BRD1: variants seen among roughly 807,000 people sequenced by gnomAD.
BRD1 encodes bromodomain-containing protein 1.
In BRD1, 24 loss-of-function variants were observed where a neutral mutation model predicts 107.7. The observed-to-expected ratio is 0.22, with a 90% CI of 0.16 to 0.31. The LOEUF (loss-of-function observed/expected upper bound fraction) is 0.31, where lower values mean the gene tolerates loss of function less well. BRD1 is among the 10% of genes least tolerant of loss of function. BRD1 has a pLI of 1.00. For missense variants in BRD1, 1,279 were observed against 1,638.6 expected, an observed-to-expected ratio of 0.78 and a Z score of 3.79; for synonymous variants, 744 against 686.1, an observed-to-expected ratio of 1.08 and a Z score of -1.32.
At chr22:49,787,343 G>A in intron 8 of BRD1, 47 bp downstream of exon 8, 1 of 1,474,726 alleles carries the variant, frequency 6.8e-7, no homozygotes, top group Non-Finnish European at 9.0e-7. Context: ...GGACGCTCCA[G>A]GCACTGGTCG....
At position 49,824,541 on chromosome 22, in the gene BRD1, AGAGAGGCAGCCTGAG is replaced by A. The variant is rs1252343560; in HGVS notation, c.-14-225_-14-211del. 7.2e-7 allele frequency: 1 copy of A among 1,392,756 alleles called. No individual in the cohort carries two copies. The highest frequency in any genetic ancestry group is 1.5e-5 in the African/African-American group (1 of 68,752). 86.3% of individuals were successfully genotyped at this position (1,392,756 alleles called of 1,614,324 possible). A position where few individuals can be genotyped will look rare whatever the true frequency, so the allele number is the denominator to read the frequency against. ...CAGGGAGGGAGCAGCAGTAACAGGC[AGAGAGGCAGCCTGAG>A]GAGCCCTCCTGAGCACCTGCGTCCC... On this transcript the variant is annotated intron_variant, in intron 1 of 12. Transcript: ENST00000404760. This position sits in a 1 kb window ranked among gnomAD's most constrained non-coding sequence, Gnocchi z 5.9.
intron 11 of BRD1, 74 bp from the exon 12 acceptor site, chr22:49,775,819 C>CCCCCA: frequency 8.0e-7 from 1 of 1,256,954 alleles, no homozygotes; most frequent in Non-Finnish European, 1.0e-6. Flanking sequence ...ACTGGCACCC[C>CCCCCA]CCCCCGCCTC....
At chr22:49,789,581 A>G (rs540547346) in intron 7 of BRD1, among the ~76,000 whole-genome samples, 1 of 150,230 alleles carries the variant, frequency 6.7e-6, no homozygotes, top group East Asian at 2.0e-4. Context: ...GCCAGTGGTC[A>G]ACCCCAGTCT....
At position 49,820,284 on chromosome 22, in the gene BRD1, G is replaced by C. The variant is rs182837002; in HGVS notation, c.1367+2667C>G. Among the ~76,000 whole-genome samples, 1,435 of 152,286 alleles carry C rather than the reference G, an allele frequency of 9.4e-3. 14 individuals carry two copies. Among genetic ancestry groups the C allele is most frequent in the South Asian group, 0.064 (309 of 4,822 alleles). On this transcript the variant is annotated intron_variant, in intron 2 of 12. Transcript: ENST00000404760. ...CCTCTTTCTCTAAAATCTCTAAAAC[G>C]CTGCTCAGATGGGGTCTCATCTCCC...
In BRD1 at chr22:49,792,855, T is replaced by C. The variant is rs1400769187; in HGVS notation, c.2359+1179A>G. On this transcript the variant is annotated intron_variant, in intron 7 of 12. Transcript: ENST00000404760. This position sits in a 1 kb window ranked among gnomAD's most constrained non-coding sequence, Gnocchi z 4.2. ...AAACAGGATAAAAGGGGCGAAGCTC[T>C]GCAGACAGGAGCCACAAGAAGTTCA... 6.6e-6 allele frequency among the ~76,000 whole-genome samples: 1 copy of C among 152,184 alleles called. No homozygotes were observed. Among genetic ancestry groups the C allele is most frequent in the Non-Finnish European group, 1.5e-5 (1 of 68,034 alleles).
rs2059566518 is a variant in BRD1, at chr22:49,797,949, C to T, written c.1954G>A (p.Ala652Thr). 1.2e-6 allele frequency: 2 copies of T among 1,614,206 alleles called. No individual in the cohort carries two copies. Among genetic ancestry groups the T allele is most frequent in the Non-Finnish European group, 8.5e-7 (1 of 1,180,028 alleles). The change falls in exon 6 of 13, where the codon GCG (alanine) becomes ACG (threonine). Residue 652 changes from alanine to threonine, a missense_variant. Transcript: ENST00000404760. ...NARDTVFYRA[A>T]VRLRDQGGVV... ...CCTCCCTGATCGCGCAGCCTCACCG[C>T]GGCTCTATAGAACACGGTGTCCCTG... is the stretch of plus-strand genomic sequence containing the variant.
At chr22:49,782,421 C>T (rs1457411338) in intron 8 of BRD1, among the ~76,000 whole-genome samples, 11 of 150,326 alleles carry the variant, frequency 7.3e-5, no homozygotes. Context: ...AGACCCAAGG[C>T]CCAGGCCAGA....
At chr22:49,781,578 AC>A (rs1368169819) in intron 8 of BRD1, among the ~76,000 whole-genome samples, 1 of 151,948 alleles carries the variant, frequency 6.6e-6, no homozygotes, top group Non-Finnish European at 1.5e-5. Context: ...TGGGAACGCA[AC>A]CCCACAACAC....
At chr22:49,796,853 G>A (rs1339632422) in intron 6 of BRD1, among the ~76,000 whole-genome samples, 2 of 149,306 alleles carry the variant, frequency 1.3e-5, no homozygotes, top group South Asian at 2.1e-4. Context: ...CGTGGACCCC[G>A]CGATGGCGGG....
At chr22:49,776,997 G>T (rs764586441) in intron 10 of BRD1, 37 bp downstream of exon 10, 13 of 1,611,572 alleles carry the variant, frequency 8.1e-6, no homozygotes, top group Non-Finnish European at 1.0e-5. Flanking sequence ...TAACCAGGAG[G>T]TGTGGAGAGC....
intron 2 of BRD1, among the ~76,000 whole-genome samples, chr22:49,819,955 C>T (rs1004662121): frequency 1.3e-5 from 2 of 151,742 alleles, no homozygotes. Flanking sequence ...CATGGTGAAA[C>T]CCCGTCTCTA....
chr22:49,826,284 G>T (rs1430120208), intron 1 of BRD1: 1 of 984,536 alleles, frequency 1.0e-6, no homozygotes, highest in African/African-American at 1.7e-5. Context: ...TCTACAAGGG[G>T]AGAACTGAAC....
rs1452619553 is a variant in BRD1 at position 49,798,030 on chromosome 22, G to A, written c.1873C>T (p.His625Tyr). ...AGATCAAAATCCTCCTCAAACTCAT[G>A]GAGGTTTTTATACCCTTGAGCTTCT... is the stretch of plus-strand genomic sequence containing the variant. ...RLEAQGYKNLHEFEEDFDLII... is the reference protein window; with the variant it reads ...RLEAQGYKNLYEFEEDFDLII... The change falls in exon 6 of 13, where the codon CAT becomes TAT. Residue 625 changes from histidine to tyrosine, a missense_variant. His to Tyr is a moderately conservative substitution (Grantham distance 83, BLOSUM62 2). This residue lies in a region of BRD1 where 406 missense variants were observed against 519.4 expected (regional missense o/e 0.78). Coordinates refer to ENST00000404760, the MANE Select transcript of BRD1 (RefSeq NM_001304808.3). 4 of 1,614,240 alleles carry A rather than the reference G, an allele frequency of 2.5e-6. No individual in the cohort carries two copies. Among genetic ancestry groups the A allele is most frequent in the Admixed American group, 3.3e-5 (2 of 60,032 alleles).
intron 5 of BRD1, 112 bp from the exon 6 acceptor site, chr22:49,798,229 C>A: frequency 1.8e-6 from 2 of 1,110,926 alleles, no homozygotes; most frequent in Non-Finnish European, 2.6e-6. Context: ...GAGCCACACA[C>A]AGACACGCAG....
chr22:49,784,903 CAGGAGAGA>C, intron 8 of BRD1, among the ~76,000 whole-genome samples: 1 of 152,306 alleles, frequency 6.6e-6, no homozygotes. Context: ...CCCGGCTGCT[CAGGAGAGA>C]GCTCAGGAAC....
At chr22:49,815,780 G>A (rs956058196) in intron 2 of BRD1, among the ~76,000 whole-genome samples, 4 of 152,180 alleles carry the variant, frequency 2.6e-5, no homozygotes, top group South Asian at 2.1e-4. Flanking sequence ...TGCAGGCTGC[G>A]TCCACCCAGG....
intron 8 of BRD1, among the ~76,000 whole-genome samples, chr22:49,782,774 A>G (rs1347772353): frequency 7.4e-3 from 618 of 83,472 alleles, no homozygotes; most frequent in Middle Eastern, 0.055. Context: ...ACAGACCCAA[A>G]GCCCATCTTG....
chr22:49,780,077 G>C (rs147055500), intron 8 of BRD1, among the ~76,000 whole-genome samples: 7 of 152,164 alleles, frequency 4.6e-5, no homozygotes, highest in Non-Finnish European at 1.0e-4. Flanking sequence ...GCCGAGCAAC[G>C]GCCACTTGGG....
intron 10 of BRD1, among the ~76,000 whole-genome samples, chr22:49,776,552 C>A (rs1182718541): frequency 6.6e-6 from 1 of 152,224 alleles, no homozygotes; most frequent in African/African-American, 2.4e-5. Context: ...CTCCGCCAGA[C>A]CAGCTCCCTG....
Sources: gnomAD v4.1 joint callset for allele counts (sites outside exome capture counted in the v4.1 genomes callset) on GRCh38, gnomAD v4.1.1 for gene constraint, gnomAD v4.1.1 regional missense constraint, Gnocchi (gnomAD v3.1) non-coding constraint, MANE v1.5 for transcripts, NCBI Gene and HGNC (gene_info 2026-07-23, HGNC 2026-07-21) for gene names.